The following PDAP1 variants were observed in gnomAD, a reference collection of about 807,000 sequenced individuals.
The protein encoded by PDAP1 is 28 kDa heat- and acid-stable phosphoprotein.
A neutral mutation model predicts 28.0 loss-of-function variants in PDAP1; 13 were observed. The observed-to-expected ratio is 0.46, with a 90% confidence interval of 0.30 to 0.74. PDAP1 has a LOEUF of 0.74. PDAP1 is among the 30% of genes least tolerant of loss of function. The pLI is 0.07. For synonymous variants in PDAP1, 77 were observed against 85.1 expected, an observed-to-expected ratio of 0.91 and a Z score of 0.52; for missense variants, 150 against 230.0, an observed-to-expected ratio of 0.65 and a Z score of 2.25.
At position 99,408,465 on chromosome 7, in the gene PDAP1, C is replaced by T. The variant is rs563901216; in HGVS notation, c.13+71G>A. On this transcript the variant is annotated intron_variant, in intron 1 of 5. Transcript: ENST00000350498. ...CGCTGCTCTCAGAGACGCGCACGGG[C>T]TGAGGGGACAGCGGAAGCCGGACCT... 13 of 1,308,240 alleles carry T rather than the reference C, an allele frequency of 9.9e-6. No homozygotes were observed. In the East Asian group the frequency reaches 3.1e-4, roughly 31 times the overall value. 81.0% of individuals were successfully genotyped at this position (1,308,240 alleles called of 1,614,324 possible). A position where few individuals can be genotyped will look rare whatever the true frequency, so the allele number is the denominator to read the frequency against.
Position 99,404,926 on chromosome 7 carries a change from G to A in PDAP1, c.41C>T (p.Ala14Val), listed in dbSNP as rs1427087411. 6 of 1,613,700 alleles carry A rather than the reference G, an allele frequency of 3.7e-6. No homozygotes were observed. The highest frequency in any genetic ancestry group is 1.7e-5 in the Admixed American group (1 of 59,988). Residue 14 changes from alanine (A) to valine (V), a missense_variant, in exon 2 of 6, where the codon GCG becomes GTG. Coordinates refer to ENST00000350498, the MANE Select transcript of PDAP1 (RefSeq NM_014891.7). ...CTCCTCAGGGCTTGTATACTGCCTCGCCCGGCCTTTGTGGCCTCCCTTTCT... is the reference window on the plus strand; with the variant it reads ...CTCCTCAGGGCTTGTATACTGCCTCACCCGGCCTTTGTGGCCTCCCTTTCT... ...GGRKGGHKGR[A>V]RQYTSPEEID...
intron 1 of PDAP1, among the ~76,000 whole-genome samples, chr7:99,407,558 C>T (rs1345794870): frequency 6.6e-6 from 1 of 152,196 alleles, no homozygotes; most frequent in Non-Finnish European, 1.5e-5. Context: ...ACCAATATAA[C>T]ACATGAGCTA....
chr7:99,405,212 G>A (rs900424195), intron 1 of PDAP1, among the ~76,000 whole-genome samples: 7 of 152,278 alleles, frequency 4.6e-5, no homozygotes, highest in African/African-American at 1.2e-4. Flanking sequence ...CATGGCGGAC[G>A]GTGCACTGCA....
chr7:99,397,325 A>G (rs926272663), intron 5 of PDAP1, among the ~76,000 whole-genome samples: 1 of 152,006 alleles, frequency 6.6e-6, no homozygotes, highest in Non-Finnish European at 1.5e-5. Context: ...TATAAACTGG[A>G]CCAACTCCCA....
intron 2 of PDAP1, among the ~76,000 whole-genome samples, chr7:99,404,499 G>A (rs1391484838): frequency 6.6e-6 from 1 of 152,114 alleles, no homozygotes; most frequent in African/African-American, 2.4e-5. Context: ...GTGCAGTGTG[G>A]CAAATCATCC....
intron 1 of PDAP1, among the ~76,000 whole-genome samples, chr7:99,406,768 C>T (rs2150908612): frequency 6.6e-6 from 1 of 152,308 alleles, no homozygotes; most frequent in South Asian, 2.1e-4. Flanking sequence ...TTGCTCTGCA[C>T]TCCAGAGGCG....
chr7:99,408,386 T>C (rs545576270), intron 1 of PDAP1, 150 bp downstream of exon 1: 14 of 597,768 alleles, frequency 2.3e-5, no homozygotes, highest in Admixed American at 4.4e-5. Flanking sequence ...ATCGGGACAA[T>C]TGGGCGTCGA....
intron 3 of PDAP1, 122 bp from the exon 4 acceptor site, chr7:99,400,546 C>A (rs900800116): frequency 3.6e-6 from 4 of 1,098,042 alleles, no homozygotes; most frequent in Non-Finnish European, 4.0e-6. Context: ...CCCCAGCCCA[C>A]GTAGTGCTCA....
At chr7:99,408,427 C>G in intron 1 of PDAP1, 109 bp downstream of exon 1, 2 of 1,023,370 alleles carry the variant, frequency 2.0e-6, no homozygotes, top group Non-Finnish European at 1.3e-6. Flanking sequence ...CCGGTGCGGA[C>G]AGCCTCCCTC....
Position 99,394,779 on chromosome 7 carries a change from T to TTTA in PDAP1, c.*1902_*1903insTAA. 1 of 957,550 alleles carries TTTA rather than the reference T, an allele frequency of 1.0e-6. No homozygotes were observed. The highest frequency in any genetic ancestry group is 5.3e-5 in the South Asian group (1 of 18,738). 59.3% of individuals were successfully genotyped at this position (957,550 alleles called of 1,614,324 possible). On this transcript the variant is annotated 3_prime_UTR_variant, in exon 6 of 6. Transcript: ENST00000350498. ...GTGGAGGTAATAAAATGCAACTGTGTAAAAAAAAAAAAAAAAAAAAAAGTA... is the reference window on the plus strand; with the variant it reads ...GTGGAGGTAATAAAATGCAACTGTGTTTAAAAAAAAAAAAAAAAAAAAAAAGTA...
chr7:99,394,925 G>A lies in PDAP1; in HGVS notation c.*1757C>T. 1 of 796,616 alleles carries A rather than the reference G, an allele frequency of 1.3e-6. No homozygotes were observed. The highest frequency in any genetic ancestry group is 1.7e-6 in the Non-Finnish European group (1 of 605,576). 49.3% of individuals were successfully genotyped at this position (796,616 alleles called of 1,614,324 possible). The stretch of plus-strand genomic sequence containing the variant: ...CAATCCTTCTGCCTCAGCCTCCCAA[G>A]TAGCTGGGACTCCAGGGAGAGATTG... On this transcript the variant is annotated 3_prime_UTR_variant, in exon 6 of 6. Transcript: ENST00000350498.
At position 99,395,582 on chromosome 7, in the gene PDAP1, C is replaced by G. The variant is rs28460612; in HGVS notation, c.*1100G>C. ...CAGGTCCTGTGCTGAAGGGCATTTG[C>G]ACATCTTTTGTGGCTTCTCTCAGGA... On this transcript the variant is annotated 3_prime_UTR_variant, in exon 6 of 6. Coordinates refer to ENST00000350498, the MANE Select transcript of PDAP1 (RefSeq NM_014891.7). 11,246 of 152,336 alleles carry G rather than the reference C, an allele frequency of 0.074. 602 individuals carry two copies. The highest frequency in any genetic ancestry group is 0.15 in the African/African-American group (6,272 of 41,532). 9.4% of individuals were successfully genotyped at this position (152,336 alleles called of 1,614,324 possible).
chr7:99,406,665 G>T, intron 1 of PDAP1: 1 of 952,398 alleles, frequency 1.0e-6, no homozygotes, highest in Non-Finnish European at 1.3e-6. Flanking sequence ...GTATGCAAGG[G>T]TGGCTGTGGC....
intron 4 of PDAP1, among the ~76,000 whole-genome samples, chr7:99,399,623 A>G (rs1794826956): frequency 6.6e-6 from 1 of 152,114 alleles, no homozygotes; most frequent in African/African-American, 2.4e-5. Context: ...ACCCAAGCTC[A>G]TGGCCTTCCC....
At chr7:99,407,749 G>T (rs1795008824) in intron 1 of PDAP1, among the ~76,000 whole-genome samples, 1 of 152,176 alleles carries the variant, frequency 6.6e-6, no homozygotes, top group African/African-American at 2.4e-5. Flanking sequence ...TCAAACTGGG[G>T]ACTATCGATT....
Position 99,394,892 on chromosome 7 carries a change from C to G in PDAP1, c.*1790G>C. On this transcript the variant is annotated 3_prime_UTR_variant, in exon 6 of 6. Coordinates refer to ENST00000350498, the MANE Select transcript of PDAP1 (RefSeq NM_014891.7). The stretch of plus-strand genomic sequence containing the variant: ...AAGTTTTCCAGGCTGCACTAGAACT[C>G]GTGGGAGCAATCCTTCTGCCTCAGC... The G allele has an allele frequency of 9.2e-7, 1 of 1,081,698 alleles. No homozygotes were observed. The highest frequency in any genetic ancestry group is 4.5e-5 in the South Asian group (1 of 22,234). The allele number at this position is 1,081,698 out of a possible 1,614,324, so 67.0% of individuals were successfully genotyped here.
At chr7:99,403,936 C>T (rs1794924041) in intron 2 of PDAP1, among the ~76,000 whole-genome samples, 2 of 152,166 alleles carry the variant, frequency 1.3e-5, no homozygotes, top group African/African-American at 4.8e-5. Flanking sequence ...CTCCGCACTC[C>T]ACTCCCACTC....
chr7:99,401,949 C>A (rs982959765), intron 3 of PDAP1, among the ~76,000 whole-genome samples: 1 of 152,110 alleles, frequency 6.6e-6, no homozygotes, highest in Non-Finnish European at 1.5e-5. Flanking sequence ...CCCACCTTGG[C>A]TTCCCAAAGT....
chr7:99,404,120 G>A (rs1364477831), intron 2 of PDAP1, among the ~76,000 whole-genome samples: 1 of 152,078 alleles, frequency 6.6e-6, no homozygotes, highest in Non-Finnish European at 1.5e-5. Flanking sequence ...CATTCTCCAT[G>A]TCCTGCTCAG....
Sources: gnomAD v4.1 joint callset for allele counts (sites outside exome capture counted in the v4.1 genomes callset) on GRCh38, gnomAD v4.1.1 for gene constraint, MANE v1.5 for transcripts, NCBI Gene and HGNC (gene_info 2026-07-23, HGNC 2026-07-21) for gene names.